The following GPHN variants were observed in gnomAD, a reference collection of about 807,000 sequenced individuals.
GPHN encodes the protein gephyrin.
Under a neutral mutation model 95.5 loss-of-function variants are expected in GPHN, and 17 were observed. That is an observed-to-expected ratio of 0.18 (90% CI 0.12 to 0.27). The LOEUF (loss-of-function observed/expected upper bound fraction) is 0.27, where lower values mean the gene tolerates loss of function less well. Among genes scored for constraint, GPHN ranks in the 10% least tolerant of loss-of-function variants. The probability of loss-of-function intolerance (pLI) is 1.00; values close to 1 mark genes in which losing one functional copy is unlikely to be tolerated. For missense variants in GPHN, 660 were observed against 978.1 expected (o/e 0.67, Z 4.34); for synonymous variants, 320 against 322.5 (o/e 0.99, Z 0.08).
chr14:66,701,224 C>G (rs556055807), intron 2 of GPHN, among the ~76,000 whole-genome samples: 4 of 151,710 alleles, frequency 2.6e-5, no homozygotes, highest in Non-Finnish European at 5.9e-5. Context: ...AAAAATACAT[C>G]TTACAAAAAT....
chr14:67,531,985 G>A, the GPHN span, among the ~76,000 whole-genome samples: 8 of 151,776 alleles, frequency 5.3e-5, no homozygotes, highest in African/African-American at 1.7e-4. Flanking sequence ...GTGTTTTTGG[G>A]CTTCCTTATG....
At chr14:66,961,598 G>A (rs1055539538) in intron 8 of GPHN, among the ~76,000 whole-genome samples, 2 of 151,142 alleles carry the variant, frequency 1.3e-5, no homozygotes, top group African/African-American at 4.9e-5. Flanking sequence ...GGAAAAAATG[G>A]GCAAGGATTT....
the GPHN span, among the ~76,000 whole-genome samples, chr14:67,459,078 T>C: frequency 3.9e-5 from 6 of 151,996 alleles, no homozygotes; most frequent in African/African-American, 9.7e-5. Flanking sequence ...TTGGTAGAGA[T>C]GGGGTTTTGC....
chr14:67,581,297 CACAA>C, the GPHN span, among the ~76,000 whole-genome samples: 2 of 151,290 alleles, frequency 1.3e-5, no homozygotes, highest in African/African-American at 4.8e-5. Context: ...CACACACACA[CACAA>C]ACATCTGCCA....
At chr14:67,172,687 C>A (rs927181327) in intron 21 of GPHN, among the ~76,000 whole-genome samples, 1 of 152,112 alleles carries the variant, frequency 6.6e-6, no homozygotes, top group Non-Finnish European at 1.5e-5. Flanking sequence ...TAGACTACCC[C>A]CCTAGTGTCT....
At chr14:66,793,898 A>C (rs924861371) in intron 3 of GPHN, among the ~76,000 whole-genome samples, 1 of 152,246 alleles carries the variant, frequency 6.6e-6, no homozygotes, top group East Asian at 1.9e-4. Context: ...TAGAAAACAT[A>C]GAGAAAAATG....
At chr14:66,654,003 A>T (rs993352393) in intron 1 of GPHN, among the ~76,000 whole-genome samples, 1 of 152,238 alleles carries the variant, frequency 6.6e-6, no homozygotes, top group African/African-American at 2.4e-5. Flanking sequence ...GCTAAAATGT[A>T]TGCAGAATGA....
the GPHN span, among the ~76,000 whole-genome samples, chr14:67,583,571 C>G: frequency 6.6e-6 from 1 of 152,204 alleles, no homozygotes; most frequent in African/African-American, 2.4e-5. Context: ...GTTTGTTTCT[C>G]TAGTGTCTAT....
At chr14:67,257,145 A>G in the GPHN span, among the ~76,000 whole-genome samples, 1 of 152,158 alleles carries the variant, frequency 6.6e-6, no homozygotes, top group Non-Finnish European at 1.5e-5. Flanking sequence ...TAGGTAAGAG[A>G]CAAATGGTTG....
At chr14:66,993,471 C>T (rs2071570541) in intron 9 of GPHN, among the ~76,000 whole-genome samples, 3 of 152,074 alleles carry the variant, frequency 2.0e-5, no homozygotes, top group Admixed American at 6.5e-5. Context: ...TACTTCATTA[C>T]GTCTTAACAA....
the GPHN span, among the ~76,000 whole-genome samples, chr14:67,457,053 C>T: frequency 1.3e-5 from 2 of 152,116 alleles, no homozygotes; most frequent in African/African-American, 4.8e-5. Flanking sequence ...AGCATCTTCT[C>T]GTGTATAAGT....
the GPHN span, among the ~76,000 whole-genome samples, chr14:67,273,521 A>G: frequency 6.6e-6 from 1 of 152,112 alleles, no homozygotes; most frequent in Non-Finnish European, 1.5e-5. Flanking sequence ...CTAGTCTATC[A>G]TTGATGGACA....
chr14:66,885,762 G>C (rs1381407498), intron 5 of GPHN, among the ~76,000 whole-genome samples: 1 of 151,584 alleles, frequency 6.6e-6, no homozygotes, highest in African/African-American at 2.4e-5. Flanking sequence ...AGAGGAAAAG[G>C]CAGGCTGAGA....
chr14:67,419,782 G>C, the GPHN span, among the ~76,000 whole-genome samples: 1 of 151,656 alleles, frequency 6.6e-6, no homozygotes, highest in South Asian at 2.1e-4. Context: ...CTGGGAGGCG[G>C]AGCTTACAGT....
At chr14:67,484,438 T>C in the GPHN span, among the ~76,000 whole-genome samples, 2 of 152,240 alleles carry the variant, frequency 1.3e-5, no homozygotes, top group African/African-American at 4.8e-5. Context: ...CATTTAATTC[T>C]AGCATTTAAT....
chr14:66,991,940 C>T (rs2071456317), intron 9 of GPHN, among the ~76,000 whole-genome samples: 1 of 149,386 alleles, frequency 6.7e-6, no homozygotes, highest in South Asian at 2.1e-4. Flanking sequence ...ACTTTCTTTA[C>T]AGAATATAAA....
At chr14:67,382,570 G>A in the GPHN span, 1 of 1,613,912 alleles carries the variant, frequency 6.2e-7, no homozygotes, top group Non-Finnish European at 8.5e-7. Context: ...AAAGAGGGGT[G>A]TGTTCAATGT....
intron 1 of GPHN, among the ~76,000 whole-genome samples, chr14:66,625,488 TC>T (rs975506801): frequency 4.6e-5 from 7 of 152,056 alleles, no homozygotes; most frequent in African/African-American, 1.7e-4. Flanking sequence ...TTTCTCAATT[TC>T]CCCCCCAATT....
At chr14:67,124,210 A>G (rs2079170810) in intron 17 of GPHN, among the ~76,000 whole-genome samples, 1 of 152,174 alleles carries the variant, frequency 6.6e-6, no homozygotes, top group African/African-American at 2.4e-5. Flanking sequence ...GTTTGAGACC[A>G]GCCTGGCCAA....
Sources: gnomAD v4.1 joint callset for allele counts (sites outside exome capture counted in the v4.1 genomes callset) on GRCh38, gnomAD v4.1.1 for gene constraint, MANE v1.5 for transcripts, NCBI Gene and HGNC (gene_info 2026-07-23, HGNC 2026-07-21) for gene names.